The following IL1RAPL1 variants were observed in gnomAD, a reference collection of about 807,000 sequenced individuals.
IL1RAPL1 encodes interleukin-1 receptor accessory protein-like 1.
IL1RAPL1 carries 3 observed loss-of-function variants against 48.4 expected under a neutral mutation model. The observed-to-expected ratio is 0.06, with a 90% CI of 0.03 to 0.16. IL1RAPL1 has a LOEUF of 0.16. IL1RAPL1 is among the 10% of genes least tolerant of loss of function. The probability of loss-of-function intolerance (pLI) is 1.00; values close to 1 mark genes in which losing one functional copy is unlikely to be tolerated. For missense variants in IL1RAPL1, 349 were observed against 530.6 expected (o/e 0.66, Z 3.36); for synonymous variants, 185 against 187.7 (o/e 0.99, Z 0.12).
At chrX:28,619,674 T>C (rs1307863805) in intron 1 of IL1RAPL1, among the ~76,000 whole-genome samples, 2 of 109,430 alleles carry the variant, frequency 1.8e-5, no homozygotes, top group Non-Finnish European at 3.8e-5. Flanking sequence ...ATACCAATGG[T>C]TGAGTGTGTC....
At chrX:29,087,633 A>G (rs1927983725) in intron 2 of IL1RAPL1, among the ~76,000 whole-genome samples, 1 of 112,551 alleles carries the variant, frequency 8.9e-6, no homozygotes, top group Admixed American at 9.4e-5. Context: ...ATCTAGAGAA[A>G]AAATTTAAGA....
In IL1RAPL1 at chrX:29,714,960, G is replaced by T. The variant is rs150602525; in HGVS notation, c.778+46456G>T. On this transcript the variant is annotated intron_variant, in intron 6 of 10. Transcript: ENST00000378993. ...ATCTTTCTGTCTCCCCAGACACACT[G>T]ACCACATGTCTATCCAAACAGGTAT... is the stretch of plus-strand genomic sequence containing the variant. Among the ~76,000 whole-genome samples the T allele has an allele frequency of 6.6e-3, 737 of 111,782 alleles. 6 individuals are homozygous for T. Among genetic ancestry groups the T allele is most frequent in the African/African-American group, 0.023 (711 of 30,792 alleles).
At chrX:29,514,764 A>G (rs1339727455) in intron 5 of IL1RAPL1, among the ~76,000 whole-genome samples, 2 of 112,457 alleles carry the variant, frequency 1.8e-5, no homozygotes, top group Non-Finnish European at 3.8e-5. Context: ...GAATTGTTAT[A>G]TGCAGCTATA....
chrX:29,636,708 A>C (rs1602338864), intron 5 of IL1RAPL1, among the ~76,000 whole-genome samples: 1 of 111,523 alleles, frequency 9.0e-6, no homozygotes, highest in African/African-American at 3.3e-5. Context: ...TGTGTATGTA[A>C]AGCTACTCTT....
chrX:29,213,492 C>T (rs139595663), intron 2 of IL1RAPL1, among the ~76,000 whole-genome samples: 3 of 112,638 alleles, frequency 2.7e-5, no homozygotes, highest in African/African-American at 9.7e-5. Flanking sequence ...GCTCTGTGCC[C>T]ACTCTTGCAA....
intron 2 of IL1RAPL1, among the ~76,000 whole-genome samples, chrX:29,169,662 C>T (rs2147512130): frequency 9.0e-6 from 1 of 110,612 alleles, no homozygotes; most frequent in South Asian, 3.8e-4. Context: ...CGTTGCCTCC[C>T]CTTAACTTTT....
chrX:28,721,037 T>A (rs896010492), intron 1 of IL1RAPL1, among the ~76,000 whole-genome samples: 3 of 112,301 alleles, frequency 2.7e-5, no homozygotes, highest in Admixed American at 9.5e-5. Context: ...CTATTGTGAA[T>A]AGTGTCACAA....
At chrX:29,224,642 A>G (rs1931045532) in intron 2 of IL1RAPL1, among the ~76,000 whole-genome samples, 1 of 112,022 alleles carries the variant, frequency 8.9e-6, no homozygotes, top group South Asian at 3.7e-4. Flanking sequence ...TTGAATATAT[A>G]GTTGTATCAT....
At chrX:29,897,737 C>T (rs780055415) in intron 6 of IL1RAPL1, among the ~76,000 whole-genome samples, 1 of 110,375 alleles carries the variant, frequency 9.1e-6, no homozygotes, top group Non-Finnish European at 1.9e-5. Context: ...TAATGCTGTA[C>T]TCCCAAAGAT....
intron 6 of IL1RAPL1, among the ~76,000 whole-genome samples, chrX:29,887,275 T>G (rs1240714991): frequency 1.8e-5 from 2 of 112,393 alleles, no homozygotes; most frequent in Non-Finnish European, 3.8e-5. Flanking sequence ...GCAAAATTTA[T>G]TTTTAACATT....
chrX:28,743,349 G>A (rs1247020394), intron 1 of IL1RAPL1, among the ~76,000 whole-genome samples: 2 of 111,610 alleles, frequency 1.8e-5, no homozygotes, highest in Non-Finnish European at 3.8e-5. Flanking sequence ...CATCCAGCAT[G>A]TAATCTTTAA....
intron 5 of IL1RAPL1, among the ~76,000 whole-genome samples, chrX:29,499,716 A>G (rs192812489): frequency 4.5e-4 from 50 of 111,724 alleles, no homozygotes; most frequent in African/African-American, 1.6e-3. Context: ...CCTCAAAGTA[A>G]TGTAATGGAT....
chrX:29,132,097 A>G (rs1005784667), intron 2 of IL1RAPL1, among the ~76,000 whole-genome samples: 1 of 111,925 alleles, frequency 8.9e-6, no homozygotes, highest in African/African-American at 3.2e-5. Flanking sequence ...TAATACGCTT[A>G]ACTCTAGGGT....
chrX:28,718,180 G>A (rs940297526), intron 1 of IL1RAPL1, among the ~76,000 whole-genome samples: 3 of 111,304 alleles, frequency 2.7e-5, no homozygotes, highest in Non-Finnish European at 5.7e-5. Context: ...TGGTATAGTT[G>A]TAGGTGCTTG....
At chrX:29,499,602 T>G in intron 5 of IL1RAPL1, among the ~76,000 whole-genome samples, 1 of 111,917 alleles carries the variant, frequency 8.9e-6, no homozygotes, top group Non-Finnish European at 1.9e-5. Flanking sequence ...TCAGTTCATT[T>G]GTCATTCACA....
intron 3 of IL1RAPL1, among the ~76,000 whole-genome samples, chrX:29,375,099 A>G (rs1226791955): frequency 9.3e-6 from 1 of 107,973 alleles, no homozygotes; most frequent in African/African-American, 3.4e-5. Context: ...TGCTGAAGCT[A>G]TACCCAAAAT....
intron 6 of IL1RAPL1, among the ~76,000 whole-genome samples, chrX:29,895,565 T>A (rs2147223371): frequency 8.9e-6 from 1 of 112,728 alleles, no homozygotes; most frequent in Admixed American, 9.3e-5. Flanking sequence ...GAAAAAAAGC[T>A]ATTGTATACG....
rs182899147 is a variant in IL1RAPL1 at position 29,550,873 on chromosome X, A to G, written c.704-117557A>G. ...CCATTTTTGCCATTTCCAAGTTTAC[A>G]GTTCAGTGGTATAAAGAATATTCAC... On this transcript the variant is annotated intron_variant, in intron 5 of 10. Transcript: ENST00000378993. Among the ~76,000 whole-genome samples, 103 of 112,324 alleles carry G rather than the reference A, an allele frequency of 9.2e-4. 1 individual carries two copies. Among genetic ancestry groups the G allele is most frequent in the African/African-American group, 3.2e-3 (98 of 30,916 alleles).
intron 5 of IL1RAPL1, among the ~76,000 whole-genome samples, chrX:29,636,266 G>T (rs753852240): frequency 8.9e-6 from 1 of 112,039 alleles, no homozygotes; most frequent in South Asian, 3.7e-4. Context: ...ATTCACGGAA[G>T]ATAAAATCCA....
Sources: gnomAD v4.1 joint callset for allele counts (sites outside exome capture counted in the v4.1 genomes callset) on GRCh38, gnomAD v4.1.1 for gene constraint, MANE v1.5 for transcripts, NCBI Gene and HGNC (gene_info 2026-07-23, HGNC 2026-07-21) for gene names.